RABEP1: variants seen among roughly 807,000 people sequenced by gnomAD.
RABEP1 encodes rabaptin, RAB GTPase binding effector protein 1.
Under a neutral mutation model 123.4 loss-of-function variants are expected in RABEP1, and 51 were observed. The ratio of observed to expected loss-of-function variants is 0.41; its 90% CI spans 0.33 to 0.52. RABEP1 has a LOEUF of 0.52. RABEP1 is among the 20% of genes least tolerant of loss of function. The pLI, the probability that RABEP1 is intolerant of heterozygous loss-of-function variation, is 0.16. For missense variants in RABEP1, 888 were observed against 996.3 expected (o/e 0.89, Z 1.46); for synonymous variants, 347 against 355.2 (o/e 0.98, Z 0.26).
At chr17:5,329,254 G>A (rs1906284957) in intron 2 of RABEP1, among the ~76,000 whole-genome samples, 1 of 152,076 alleles carries the variant, frequency 6.6e-6, no homozygotes. Flanking sequence ...TGGCAGGCTG[G>A]GTGTGGTGGC....
intron 1 of RABEP1, among the ~76,000 whole-genome samples, chr17:5,286,799 G>A (rs1363395982): frequency 6.6e-6 from 1 of 152,072 alleles, no homozygotes; most frequent in Non-Finnish European, 1.5e-5. Context: ...AACAACAAAC[G>A]TAAGCAAATG....
chr17:5,365,317 G>GT lies in RABEP1; in HGVS notation c.1785+88dup, dbSNP rs200990369. 4.0e-3 allele frequency: 3,684 copies of GT among 932,158 alleles called. 30 individuals carry two copies. The East Asian group carries it at 0.041, about 10-fold the overall frequency. 57.7% of individuals were successfully genotyped at this position (932,158 alleles called of 1,614,324 possible). On this transcript the variant is annotated intron_variant, in intron 11 of 17. Transcript: ENST00000537505. ...TGAAAGATTCAAAAAATATAGTCATGTTTTTTTTTGCCTTGAAGATTTGGC... is the reference window on the plus strand; with the variant it reads ...TGAAAGATTCAAAAAATATAGTCATGTTTTTTTTTTGCCTTGAAGATTTGGC...
At position 5,383,396 on chromosome 17, in the gene RABEP1, G is replaced by C. The variant is rs779737667; in HGVS notation, c.*173G>C. The C allele has an allele frequency of 9.8e-6, 6 of 609,152 alleles. No homozygotes were observed. The highest frequency in any genetic ancestry group is 1.4e-5 in the Non-Finnish European group (5 of 346,580). 37.7% of individuals were successfully genotyped at this position (609,152 alleles called of 1,614,324 possible). ...TGTGCGGCACAGGAAACAGCAAACAGTGGGGTGATCTGCAGCCCAGAGACC... is the reference window on the plus strand; with the variant it reads ...TGTGCGGCACAGGAAACAGCAAACACTGGGGTGATCTGCAGCCCAGAGACC... On this transcript the variant is annotated 3_prime_UTR_variant, in exon 18 of 18. Coordinates refer to ENST00000537505, the MANE Select transcript of RABEP1 (RefSeq NM_004703.6).
chr17:5,332,402 A>G (rs909386370), intron 3 of RABEP1, among the ~76,000 whole-genome samples: 33 of 152,278 alleles, frequency 2.2e-4, no homozygotes, highest in African/African-American at 6.3e-4. Context: ...AATGAGGACT[A>G]TAGTTCATTG....
intron 1 of RABEP1, among the ~76,000 whole-genome samples, chr17:5,305,949 A>G (rs963863060): frequency 6.6e-6 from 1 of 152,156 alleles, no homozygotes; most frequent in African/African-American, 2.4e-5. Context: ...CATTAGTGAC[A>G]TGGAACTCAA....
At chr17:5,370,141 T>G (rs1910411618) in intron 12 of RABEP1, among the ~76,000 whole-genome samples, 1 of 152,238 alleles carries the variant, frequency 6.6e-6, no homozygotes. Context: ...ACCATTTTGT[T>G]GAAATTACCA....
intron 8 of RABEP1, among the ~76,000 whole-genome samples, chr17:5,357,434 T>C (rs1375258114): frequency 6.6e-6 from 1 of 152,008 alleles, no homozygotes; most frequent in Non-Finnish European, 1.5e-5. Flanking sequence ...TGCTATGGCG[T>C]GATCTTGGCT....
intron 1 of RABEP1, among the ~76,000 whole-genome samples, chr17:5,288,172 C>T (rs2074997802): frequency 6.6e-6 from 1 of 151,626 alleles, no homozygotes; most frequent in African/African-American, 2.4e-5. Flanking sequence ...ATACAGAGGT[C>T]AGTAAAGGCT....
At chr17:5,311,356 T>G (rs115597631) in intron 2 of RABEP1, among the ~76,000 whole-genome samples, 3,265 of 152,162 alleles carry the variant, frequency 0.021, 117 homozygotes, top group African/African-American at 0.075. Flanking sequence ...TTATTAAAAT[T>G]TATTATAAAT....
chr17:5,350,330 A>G, intron 6 of RABEP1, 121 bp from the exon 7 acceptor site: 3 of 1,059,690 alleles, frequency 2.8e-6, no homozygotes, highest in East Asian at 5.5e-5. Context: ...CAGTGAGCCA[A>G]GATTGCACCA....
At chr17:5,310,681 C>T (rs2075229998) in intron 2 of RABEP1, among the ~76,000 whole-genome samples, 1 of 152,128 alleles carries the variant, frequency 6.6e-6, no homozygotes, top group South Asian at 2.1e-4. Context: ...GTTTAACAAA[C>T]ACATGAATAG....
At chr17:5,307,056 T>C (rs1310623376) in intron 1 of RABEP1, among the ~76,000 whole-genome samples, 1 of 152,162 alleles carries the variant, frequency 6.6e-6, no homozygotes, top group African/African-American at 2.4e-5. Flanking sequence ...CGGTGGCTTA[T>C]GCCTGTAATC....
rs1415495671 is a variant in RABEP1, at chr17:5,323,698, CTA to C, written c.164-8250_164-8249del. ...TGGTGATATATATATATATCTCTCTCTAGGAATATATATATATATCTAGGAAT... is the reference window on the plus strand; with the variant it reads ...TGGTGATATATATATATATCTCTCTCGGAATATATATATATATCTAGGAAT... On this transcript the variant is annotated intron_variant, in intron 2 of 17. Transcript: ENST00000537505. Among the ~76,000 whole-genome samples, 9 of 96,844 alleles carry C rather than the reference CTA, an allele frequency of 9.3e-5. 1 individual carries two copies. In the East Asian group the frequency reaches 2.7e-3, roughly 29 times the overall value. The allele number at this position is 96,844 out of a possible 152,430, so 63.5% of individuals were successfully genotyped here. A position where few individuals can be genotyped will look rare whatever the true frequency, so the allele number is the denominator to read the frequency against.
At chr17:5,342,855 A>G (rs55913010) in intron 5 of RABEP1, among the ~76,000 whole-genome samples, 20,751 of 152,208 alleles carry the variant, frequency 0.14, 1,476 homozygotes, top group East Asian at 0.18. Context: ...GTTTAGGGAT[A>G]AACAAATGGA....
At chr17:5,364,983 C>T in intron 10 of RABEP1, 139 bp from the exon 11 acceptor site, 1 of 592,622 alleles carries the variant, frequency 1.7e-6, no homozygotes, top group Non-Finnish European at 3.0e-6. Flanking sequence ...TATCTAATTT[C>T]TGTCTGAATT....
At chr17:5,315,853 AAAAAC>A (rs750273257) in intron 2 of RABEP1, among the ~76,000 whole-genome samples, 10 of 152,214 alleles carry the variant, frequency 6.6e-5, no homozygotes, top group South Asian at 2.1e-4. Flanking sequence ...CTCCATCTCA[AAAAAC>A]AAAACAAAAC....
At chr17:5,340,208 G>T (rs923976813) in intron 5 of RABEP1, among the ~76,000 whole-genome samples, 2 of 152,162 alleles carry the variant, frequency 1.3e-5, no homozygotes, top group African/African-American at 2.4e-5. Context: ...AGATGGTATC[G>T]CATACAGTAC....
At chr17:5,321,211 G>A (rs959148830) in intron 2 of RABEP1, among the ~76,000 whole-genome samples, 1 of 152,152 alleles carries the variant, frequency 6.6e-6, no homozygotes, top group Non-Finnish European at 1.5e-5. Flanking sequence ...GGAGGCCAGG[G>A]TGGGAGGATT....
At position 5,324,981 on chromosome 17, in the gene RABEP1, A is replaced by G. The variant is rs544823560; in HGVS notation, c.164-6968A>G. On this transcript the variant is annotated intron_variant, in intron 2 of 17. Transcript: ENST00000537505. ...TCAAAAGACTAAAATAAGAGTTGCC[A>G]TATGATCCAGCAATTCCACTATTGG... Among the ~76,000 whole-genome samples, 35 of 152,330 alleles carry G rather than the reference A, an allele frequency of 2.3e-4. 1 individual carries two copies. Among genetic ancestry groups the G allele is most frequent in the African/African-American group, 8.4e-4 (35 of 41,580 alleles).
Sources: allele counts gnomAD v4.1 joint callset (sites outside exome capture counted in the v4.1 genomes callset), GRCh38; gene constraint gnomAD v4.1.1; transcripts MANE v1.5; gene names NCBI Gene and HGNC (gene_info 2026-07-23, HGNC 2026-07-21).